ARHGAP6: variants seen among roughly 807,000 people sequenced by gnomAD.
ARHGAP6 encodes the protein rho GTPase-activating protein 6.
A neutral mutation model predicts 55.7 loss-of-function variants in ARHGAP6; 16 were observed. The ratio of observed to expected loss-of-function variants is 0.29; its 90% CI spans 0.19 to 0.44. The LOEUF is 0.44. Among genes scored for constraint, ARHGAP6 ranks in the 20% least tolerant of loss-of-function variants. The pLI, the probability that ARHGAP6 is intolerant of heterozygous loss-of-function variation, is 1.00. For synonymous variants in ARHGAP6, 382 were observed against 360.9 expected, an observed-to-expected ratio of 1.06 and a Z score of -0.66; for missense variants, 698 against 808.9, an observed-to-expected ratio of 0.86 and a Z score of 1.66.
At position 11,144,078 on chromosome X, in the gene ARHGAP6, G is replaced by A. The variant is rs1462149890; in HGVS notation, c.2078C>T (p.Ser693Leu). 3.3e-6 allele frequency: 4 copies of A among 1,209,278 alleles called. No homozygotes were observed. The highest frequency in any genetic ancestry group is 1.8e-5 in the South Asian group (1 of 56,736). ...CCCTGGCACTCTGTAAAGCTTCTCC[G>A]AGCCCCCCGGGGCCGCGTCCTCTTG... Reference protein sequence around the residue: ...AMQEDAAPGGSEKLYRVPGQF... With the variant: ...AMQEDAAPGGLEKLYRVPGQF... The change falls in exon 11 of 13, where the codon TCG becomes TTG. Residue 693 changes from serine (S) to leucine (L), a missense_variant. By Grantham distance (145) the Ser-to-Leu change is moderately radical. Around this residue, in one of 3 missense-constraint regions of ARHGAP6, gnomAD observed 322 missense variants for 451.1 expected, o/e 0.71. Transcript: ENST00000337414.
chrX:11,373,472 C>T (rs928583304), intron 1 of ARHGAP6, among the ~76,000 whole-genome samples: 2 of 111,244 alleles, frequency 1.8e-5, no homozygotes, highest in Admixed American at 9.6e-5. Flanking sequence ...CAAGTACTTC[C>T]TAACTACTGA....
intron 1 of ARHGAP6, among the ~76,000 whole-genome samples, chrX:11,550,948 G>T (rs936451987): frequency 2.7e-5 from 3 of 112,010 alleles, no homozygotes; most frequent in Non-Finnish European, 3.8e-5. Flanking sequence ...TCATCAGTTT[G>T]ATTTGAATCA....
At chrX:11,649,151 A>C (rs1601727969) in intron 1 of ARHGAP6, among the ~76,000 whole-genome samples, 1 of 111,812 alleles carries the variant, frequency 8.9e-6, no homozygotes, top group Middle Eastern at 4.6e-3. Context: ...ATCAAATACC[A>C]TTAGACCAAC....
chrX:11,580,254 G>A (rs2051650327), intron 1 of ARHGAP6, among the ~76,000 whole-genome samples: 1 of 112,071 alleles, frequency 8.9e-6, no homozygotes, highest in African/African-American at 3.2e-5. Flanking sequence ...CCAAACTTGT[G>A]CTTTTCATTG....
At chrX:11,567,956 G>A (rs1328815154) in intron 1 of ARHGAP6, among the ~76,000 whole-genome samples, 1 of 111,678 alleles carries the variant, frequency 9.0e-6, no homozygotes, top group Non-Finnish European at 1.9e-5. Context: ...GGAATTATAG[G>A]TGGCATGAGT....
intron 1 of ARHGAP6, among the ~76,000 whole-genome samples, chrX:11,421,588 G>A (rs748494481): frequency 1.7e-4 from 19 of 112,016 alleles, no homozygotes; most frequent in African/African-American, 6.2e-4. Flanking sequence ...AATGAACACT[G>A]GGTGGTAAAA....
chrX:11,524,585 C>A (rs1054569870), intron 1 of ARHGAP6, among the ~76,000 whole-genome samples: 1 of 111,113 alleles, frequency 9.0e-6, no homozygotes. Context: ...AACCTTAGCA[C>A]CAATGACATT....
In ARHGAP6 at chrX:11,491,932, T is replaced by C. The variant is rs929080649; in HGVS notation, c.588+172309A>G. Among the ~76,000 whole-genome samples the C allele has an allele frequency of 8.3e-5, 9 of 107,999 alleles. 1 individual carries two copies. Among genetic ancestry groups the C allele is most frequent in the African/African-American group, 2.8e-4 (8 of 28,946 alleles). The allele number at this position is 107,999 out of a possible 115,157, so 93.8% of individuals were successfully genotyped here. ...TAACAGGTGTAAGATGGTATCTCAT[T>C]GTGGTTTTGATTTGCATTTCTCTGA... On this transcript the variant is annotated intron_variant, in intron 1 of 12. Coordinates refer to ENST00000337414, the MANE Select transcript of ARHGAP6 (RefSeq NM_013427.3).
At chrX:11,546,445 G>A (rs769713727) in intron 1 of ARHGAP6, among the ~76,000 whole-genome samples, 30 of 111,848 alleles carry the variant, frequency 2.7e-4, no homozygotes, top group African/African-American at 9.1e-4. Context: ...TTCCATCAGA[G>A]TGTTCTCTGG....
chrX:11,558,965 G>A (rs1003596002), intron 1 of ARHGAP6, among the ~76,000 whole-genome samples: 4 of 104,605 alleles, frequency 3.8e-5, no homozygotes, highest in African/African-American at 1.4e-4. Context: ...TAACTGCTTT[G>A]GGAATTTATC....
At chrX:11,390,815 C>T (rs1448683747) in intron 1 of ARHGAP6, among the ~76,000 whole-genome samples, 1 of 112,126 alleles carries the variant, frequency 8.9e-6, no homozygotes, top group Non-Finnish European at 1.9e-5. Context: ...CAGGAAACAA[C>T]AGGTGCTGGA....
chrX:11,337,135 G>A (rs1249719309), intron 1 of ARHGAP6, among the ~76,000 whole-genome samples: 1 of 110,304 alleles, frequency 9.1e-6, no homozygotes, highest in Non-Finnish European at 1.9e-5. Context: ...CTCTGATGGT[G>A]AAAGTATTTC....
At chrX:11,422,709 C>A (rs756067902) in intron 1 of ARHGAP6, among the ~76,000 whole-genome samples, 4 of 112,198 alleles carry the variant, frequency 3.6e-5, no homozygotes, top group Non-Finnish European at 7.5e-5. Flanking sequence ...CCAGGGTTAT[C>A]ACAATGTGGG....
chrX:11,213,294 T>C (rs2046833830), intron 2 of ARHGAP6, among the ~76,000 whole-genome samples: 1 of 112,898 alleles, frequency 8.9e-6, no homozygotes, highest in African/African-American at 3.2e-5. Context: ...TATCAATGGA[T>C]TGTGCTTTTA....
In ARHGAP6 at chrX:11,505,047, G is replaced by A. The variant is rs73486529; in HGVS notation, c.588+159194C>T. 6.5e-3 allele frequency among the ~76,000 whole-genome samples: 720 copies of A among 111,024 alleles called. 7 individuals carry two copies. Among genetic ancestry groups the A allele is most frequent in the African/African-American group, 0.022 (677 of 30,562 alleles). On this transcript the variant is annotated intron_variant, in intron 1 of 12. Transcript: ENST00000337414. Reference sequence around the variant, plus strand: ...TGGGAGCTTCCCTGAAATTTTCCCCGTAAAGACCAACATAATGAAGGAAGG... The same window carrying A: ...TGGGAGCTTCCCTGAAATTTTCCCCATAAAGACCAACATAATGAAGGAAGG...
chrX:11,452,944 C>T, intron 1 of ARHGAP6, among the ~76,000 whole-genome samples: 1 of 110,743 alleles, frequency 9.0e-6, no homozygotes, highest in Middle Eastern at 4.7e-3. Context: ...AAATCTACTC[C>T]TCACTAATAT....
rs915578460 is a variant in ARHGAP6, at chrX:11,192,309, T to C, written c.821-3325A>G. Among the ~76,000 whole-genome samples, 3 of 111,644 alleles carry C rather than the reference T, an allele frequency of 2.7e-5. No homozygotes were observed. In the Admixed American group the frequency reaches 2.9e-4, roughly 11 times the overall value. On this transcript the variant is annotated intron_variant, in intron 3 of 12. Coordinates refer to ENST00000337414, the MANE Select transcript of ARHGAP6 (RefSeq NM_013427.3). ...TCATGTCACTTTCACATTATCTCTT[T>C]TTTCCATTTACTTCTCTCCACTTCC... is the stretch of plus-strand genomic sequence containing the variant.
intron 1 of ARHGAP6, among the ~76,000 whole-genome samples, chrX:11,392,837 T>C (rs1215777690): frequency 8.9e-6 from 1 of 112,116 alleles, no homozygotes; most frequent in Non-Finnish European, 1.9e-5. Flanking sequence ...CCTAAGACTG[T>C]ACATACATTT....
rs753866522 is a variant in ARHGAP6, at chrX:11,341,402, G to A, written c.589-86695C>T. Among the ~76,000 whole-genome samples, 36 of 110,708 alleles carry A rather than the reference G, an allele frequency of 3.3e-4. No homozygotes were observed. The East Asian group carries it at 6.5e-3, about 20-fold the overall frequency. ...TTTATCAGTTTAAAGAAAGGAAACC[G>A]GAAACAAAATAAAGATGTGAAAGAT... is the stretch of plus-strand genomic sequence containing the variant. On this transcript the variant is annotated intron_variant, in intron 1 of 12. Coordinates refer to ENST00000337414, the MANE Select transcript of ARHGAP6 (RefSeq NM_013427.3).
Sources: gnomAD v4.1 joint callset for allele counts (sites outside exome capture counted in the v4.1 genomes callset) on GRCh38, gnomAD v4.1.1 for gene constraint, gnomAD v4.1.1 regional missense constraint, MANE v1.5 for transcripts, NCBI Gene and HGNC (gene_info 2026-07-23, HGNC 2026-07-21) for gene names.